The following CNTNAP2 variants were observed in gnomAD, a reference collection of about 807,000 sequenced individuals.
The protein encoded by CNTNAP2 is contactin-associated protein-like 2.
Under a neutral mutation model 155.2 loss-of-function variants are expected in CNTNAP2, and 98 were observed. The observed-to-expected ratio is 0.63, with a 90% CI of 0.54 to 0.75. The LOEUF is 0.75. Among genes scored for constraint, CNTNAP2 ranks in the 30% least tolerant of loss-of-function variants. The probability of loss-of-function intolerance (pLI) is 0.00; values close to 1 mark genes in which losing one functional copy is unlikely to be tolerated. For synonymous variants in CNTNAP2, 651 were observed against 631.2 expected (o/e 1.03, Z -0.47); for missense variants, 1,727 against 1,688.1 (o/e 1.02, Z -0.40).
intron 15 of CNTNAP2, among the ~76,000 whole-genome samples, chr7:148,081,371 C>A (rs761513200): frequency 6.6e-6 from 1 of 151,964 alleles, no homozygotes; most frequent in Non-Finnish European, 1.5e-5. Flanking sequence ...CATTTGAGTC[C>A]GTGGGCTGCA....
chr7:146,295,170 CAT>C (rs761934993), intron 1 of CNTNAP2, among the ~76,000 whole-genome samples: 4 of 152,142 alleles, frequency 2.6e-5, no homozygotes, highest in Non-Finnish European at 5.9e-5. Flanking sequence ...CGTGTACTAT[CAT>C]GTACTATGAG....
At position 147,350,995 on chromosome 7, in the gene CNTNAP2, C is replaced by T. The variant is rs150070230; in HGVS notation, c.1499-44614C>T. 2.6e-3 allele frequency among the ~76,000 whole-genome samples: 392 copies of T among 151,756 alleles called. 4 individuals are homozygous for T. The highest frequency in any genetic ancestry group is 9.1e-3 in the African/African-American group (379 of 41,476). On this transcript the variant is annotated intron_variant, in intron 9 of 23. Coordinates refer to ENST00000361727, the MANE Select transcript of CNTNAP2 (RefSeq NM_014141.6). ...TTTAATATAAATTAATTTTTTCTTACAGAAAGGAATGAAAAGTTTTATTAA... is the reference window on the plus strand; with the variant it reads ...TTTAATATAAATTAATTTTTTCTTATAGAAAGGAATGAAAAGTTTTATTAA...
intron 8 of CNTNAP2, among the ~76,000 whole-genome samples, chr7:147,286,950 C>T (rs1805192594): frequency 6.6e-6 from 1 of 152,026 alleles, no homozygotes; most frequent in Admixed American, 6.6e-5. Context: ...TCACATTCTC[C>T]TATTCTTTTA....
At chr7:146,218,063 G>A (rs1472670294) in intron 1 of CNTNAP2, among the ~76,000 whole-genome samples, 1 of 152,102 alleles carries the variant, frequency 6.6e-6, no homozygotes, top group Non-Finnish European at 1.5e-5. Flanking sequence ...CACCTTCCCA[G>A]GTGTGCTATC....
intron 1 of CNTNAP2, among the ~76,000 whole-genome samples, chr7:146,541,164 C>T (rs2129141058): frequency 6.6e-6 from 1 of 152,088 alleles, no homozygotes; most frequent in Middle Eastern, 3.4e-3. Context: ...GGAATGAATA[C>T]AGAATTTATT....
At chr7:148,021,911 T>C (rs1802285760) in intron 15 of CNTNAP2, among the ~76,000 whole-genome samples, 1 of 152,156 alleles carries the variant, frequency 6.6e-6, no homozygotes, top group Non-Finnish European at 1.5e-5. Flanking sequence ...TTCCCTTTTG[T>C]TTTGTTGTCA....
intron 12 of CNTNAP2, among the ~76,000 whole-genome samples, chr7:147,589,090 GA>G (rs1470209526): frequency 1.3e-5 from 2 of 152,082 alleles, no homozygotes; most frequent in African/African-American, 2.4e-5. Flanking sequence ...GAATTGAAAA[GA>G]AAAAAACTCT....
intron 12 of CNTNAP2, among the ~76,000 whole-genome samples, chr7:147,626,244 C>A (rs1416695473): frequency 2.6e-5 from 4 of 152,016 alleles, no homozygotes; most frequent in Non-Finnish European, 5.9e-5. Context: ...TGCAAAGGAG[C>A]AAGGGCCATG....
intron 1 of CNTNAP2, among the ~76,000 whole-genome samples, chr7:146,671,085 AAACTCCC>A (rs1484174261): frequency 6.6e-6 from 1 of 152,150 alleles, no homozygotes; most frequent in East Asian, 1.9e-4. Flanking sequence ...CAGAGTTAGA[AAACTCCC>A]AACCCTTCTC....
chr7:146,930,090 G>A (rs1037028198), intron 3 of CNTNAP2, among the ~76,000 whole-genome samples: 8 of 151,934 alleles, frequency 5.3e-5, no homozygotes, highest in Admixed American at 3.3e-4. Context: ...TACAGAGAAC[G>A]CCACAAAGAT....
At chr7:147,509,169 G>C (rs1166857918) in intron 11 of CNTNAP2, among the ~76,000 whole-genome samples, 2 of 152,046 alleles carry the variant, frequency 1.3e-5, no homozygotes, top group Non-Finnish European at 2.9e-5. Flanking sequence ...TCATTACTCA[G>C]CTCAAGTCTC....
At chr7:148,318,396 G>A (rs781319208) in intron 21 of CNTNAP2, among the ~76,000 whole-genome samples, 16 of 152,172 alleles carry the variant, frequency 1.1e-4, no homozygotes, top group Admixed American at 2.0e-4. Flanking sequence ...TCTGTGAAGC[G>A]TGTGTGATTT....
intron 22 of CNTNAP2, among the ~76,000 whole-genome samples, chr7:148,403,859 T>C (rs1241104846): frequency 1.3e-5 from 2 of 149,866 alleles, no homozygotes; most frequent in Non-Finnish European, 3.0e-5. Flanking sequence ...TCCAGGAAAA[T>C]AGGAGTGCTC....
intron 13 of CNTNAP2, among the ~76,000 whole-genome samples, chr7:147,902,737 T>A (rs1163557875): frequency 1.3e-5 from 2 of 152,010 alleles, no homozygotes; most frequent in African/African-American, 4.8e-5. Context: ...TGCCATTAAT[T>A]CATTTCTTTT....
intron 1 of CNTNAP2, among the ~76,000 whole-genome samples, chr7:146,311,160 A>G (rs1228340725): frequency 1.3e-5 from 2 of 152,190 alleles, no homozygotes; most frequent in Non-Finnish European, 2.9e-5. Flanking sequence ...GACACCACAC[A>G]GTTTTTGTGC....
intron 12 of CNTNAP2, among the ~76,000 whole-genome samples, chr7:147,612,342 A>G (rs1801203369): frequency 6.6e-6 from 1 of 152,030 alleles, no homozygotes; most frequent in Non-Finnish European, 1.5e-5. Context: ...TTTGTTTCCA[A>G]TAGCCAAATT....
At position 147,355,866 on chromosome 7, in the gene CNTNAP2, G is replaced by T. The variant is rs923664615; in HGVS notation, c.1499-39743G>T. ...AATTCTACCAGAGGTACAAAGAGGA[G>T]CTGGTACCATTCCTTCTGAAACTAT... On this transcript the variant is annotated intron_variant, in intron 9 of 23. Transcript: ENST00000361727. Among the ~76,000 whole-genome samples the T allele has an allele frequency of 3.2e-4, 49 of 152,080 alleles. 1 individual carries two copies. The highest frequency in any genetic ancestry group is 1.2e-3 in the African/African-American group (48 of 41,412).
chr7:148,007,227 CA>C (rs1166637201), intron 15 of CNTNAP2, among the ~76,000 whole-genome samples: 2 of 152,160 alleles, frequency 1.3e-5, no homozygotes, highest in Admixed American at 1.3e-4. Flanking sequence ...TACATGCTAT[CA>C]ACAAAACAGA....
intron 22 of CNTNAP2, among the ~76,000 whole-genome samples, chr7:148,399,344 G>T (rs1300566933): frequency 6.6e-6 from 1 of 152,072 alleles, no homozygotes; most frequent in Admixed American, 6.6e-5. Context: ...GCAGTGGCAC[G>T]TGCCTATAGT....
Sources: gnomAD v4.1 joint callset for allele counts (sites outside exome capture counted in the v4.1 genomes callset) on GRCh38, gnomAD v4.1.1 for gene constraint, MANE v1.5 for transcripts, NCBI Gene and HGNC (gene_info 2026-07-23, HGNC 2026-07-21) for gene names.